PAM: variants seen among roughly 807,000 people sequenced by gnomAD.
PAM encodes peptidylglycine alpha-amidating monooxygenase.
A neutral mutation model predicts 122.1 loss-of-function variants in PAM; 72 were observed. That is an observed-to-expected ratio of 0.59 (90% confidence interval 0.49 to 0.72). The LOEUF (loss-of-function observed/expected upper bound fraction) is 0.72, where lower values mean the gene tolerates loss of function less well. Ranked by LOEUF, PAM falls within the 30% of genes least tolerant of loss-of-function variation. The pLI is 0.00. For missense variants in PAM, 1,106 were observed against 1,183.7 expected (o/e 0.93, Z 0.96); for synonymous variants, 389 against 404.4 (o/e 0.96, Z 0.46).
At chr5:102,906,884 T>C (rs1351599634) in intron 4 of PAM, among the ~76,000 whole-genome samples, 1 of 151,760 alleles carries the variant, frequency 6.6e-6, no homozygotes, top group East Asian at 1.9e-4. Flanking sequence ...TGGACTATTA[T>C]AGGAATGACA....
At position 103,029,616 on chromosome 5, in the gene PAM, G is replaced by A. The variant is rs764173404; in HGVS notation, c.*551G>A. ...TTCTTTTTTAAATTTTCTTCAGTTG[G>A]TGTGTTTTTGGGATGTCTTATTTTT... On this transcript the variant is annotated 3_prime_UTR_variant, in exon 26 of 26. Transcript: ENST00000438793. The A allele has an allele frequency of 6.6e-6, 1 of 152,490 alleles. No homozygotes were observed. The highest frequency in any genetic ancestry group is 2.4e-5 in the African/African-American group (1 of 41,376). 9.4% of individuals were successfully genotyped at this position (152,490 alleles called of 1,614,324 possible).
intron 1 of PAM, among the ~76,000 whole-genome samples, chr5:102,803,234 G>T (rs1765362638): frequency 6.7e-6 from 1 of 149,162 alleles, no homozygotes; most frequent in African/African-American, 2.5e-5. Flanking sequence ...AGGAAGGAAG[G>T]GAAAAGTAAT....
At chr5:102,881,534 T>A (rs1791083690) in intron 3 of PAM, among the ~76,000 whole-genome samples, 1 of 152,022 alleles carries the variant, frequency 6.6e-6, no homozygotes, top group Admixed American at 6.6e-5. Flanking sequence ...GTAAAACTAC[T>A]CATATCCTTA....
rs1168917285 is a variant in PAM at position 102,758,073 on chromosome 5, GTTTTTTTTT to G, written c.-374+2752_-374+2760del. 2.4e-3 allele frequency among the ~76,000 whole-genome samples: 60 copies of G among 24,826 alleles called. 3 individuals carry two copies. Among genetic ancestry groups the G allele is most frequent in the African/African-American group, 5.7e-3 (51 of 8,926 alleles). The allele number at this position is 24,826 out of a possible 152,430, so 16.3% of individuals were successfully genotyped here. A position where few individuals can be genotyped will look rare whatever the true frequency, so the allele number is the denominator to read the frequency against. On this transcript the variant is annotated intron_variant, in intron 1 of 25. Coordinates refer to ENST00000438793, the MANE Select transcript of PAM (RefSeq NM_001177306.2). Reference sequence around the variant, plus strand: ...AAAAAAAAAAAAGACTTAGAATTTTGTTTTTTTTTTTTTTTTTTTTTTTTTTTTTTTTTT... The same window carrying G: ...AAAAAAAAAAAAGACTTAGAATTTTGTTTTTTTTTTTTTTTTTTTTTTTTT...
intron 3 of PAM, among the ~76,000 whole-genome samples, chr5:102,868,045 C>G (rs1786143579): frequency 6.6e-6 from 1 of 152,158 alleles, no homozygotes; most frequent in Non-Finnish European, 1.5e-5. Context: ...GAAGCTCAAA[C>G]CCACTGCTGT....
chr5:103,018,548 C>A (rs978280998), intron 22 of PAM, among the ~76,000 whole-genome samples: 1 of 152,094 alleles, frequency 6.6e-6, no homozygotes, highest in African/African-American at 2.4e-5. Context: ...ATTTCCCTTG[C>A]AAATGTGGCT....
chr5:102,905,647 T>C (rs1799308282), intron 4 of PAM, among the ~76,000 whole-genome samples: 2 of 151,628 alleles, frequency 1.3e-5, no homozygotes, highest in African/African-American at 4.8e-5. Flanking sequence ...TGCTCGTATA[T>C]CCATGTTTTA....
At chr5:102,951,854 A>C (rs1477754751) in intron 12 of PAM, among the ~76,000 whole-genome samples, 6 of 152,114 alleles carry the variant, frequency 3.9e-5, no homozygotes, top group Non-Finnish European at 8.8e-5. Flanking sequence ...AAATTTGCTA[A>C]ATTTGGCAAA....
intron 7 of PAM, among the ~76,000 whole-genome samples, chr5:102,930,261 G>C (rs1022613555): frequency 6.6e-6 from 1 of 152,158 alleles, no homozygotes; most frequent in Non-Finnish European, 1.5e-5. Context: ...GGTGAGACAA[G>C]CACAAAAGGA....
Position 102,965,785 on chromosome 5 carries a change from T to C in PAM, c.1162+4556T>C, listed in dbSNP as rs534538537. On this transcript the variant is annotated intron_variant, in intron 14 of 25. Coordinates refer to ENST00000438793, the MANE Select transcript of PAM (RefSeq NM_001177306.2). ...CCATGACCCCAGATAGTTAAAGGTC[T>C]TCGGACACCTTCTGTGAAACAGTAA... Among the ~76,000 whole-genome samples the C allele has an allele frequency of 5.3e-5, 8 of 152,158 alleles. No individual in the cohort carries two copies. In the South Asian group the frequency reaches 1.5e-3, roughly 28 times the overall value.
upstream of PAM, chr5:102,754,860 G>T (rs76477040): frequency 0.028 from 4,287 of 152,430 alleles, 123 homozygotes; most frequent in African/African-American, 0.064. Flanking sequence ...ACTCGGGAGG[G>T]TCAGAGACTT....
Position 102,926,672 on chromosome 5 carries a change from A to G in PAM, c.526+4A>G. Reference sequence around the variant, plus strand: ...GGGGATATTAGTGCTTTTAGAGGTAAGTTTTGAAGTGTTGGAACTAAGCAA... The same window carrying G: ...GGGGATATTAGTGCTTTTAGAGGTAGGTTTTGAAGTGTTGGAACTAAGCAA... On this transcript the variant is annotated splice_donor_region_variant and intron_variant, in intron 7 of 25. Transcript: ENST00000438793. 1.3e-6 allele frequency: 2 copies of G among 1,507,166 alleles called. No homozygotes were observed. The highest frequency in any genetic ancestry group is 1.8e-6 in the Non-Finnish European group (2 of 1,083,308). 93.4% of individuals were successfully genotyped at this position (1,507,166 alleles called of 1,614,324 possible).
At chr5:102,984,651 C>A (rs1466946751) in intron 15 of PAM, among the ~76,000 whole-genome samples, 1 of 152,084 alleles carries the variant, frequency 6.6e-6, no homozygotes, top group Non-Finnish European at 1.5e-5. Context: ...TGGTTGGGGA[C>A]CTCAACCATT....
chr5:103,003,093 T>C lies in PAM; in HGVS notation c.1674T>C (p.Thr558=), dbSNP rs572688626. 1.1e-5 allele frequency: 18 copies of C among 1,608,550 alleles called. 1 individual carries two copies. The South Asian group carries it at 1.9e-4, about 17-fold the overall frequency. ...QIGLGPIEED[T]ILVIDPNNAA... ...GACTCGGACCAATTGAAGAAGACAC[T>C]ATTCTTGTCATAGATCCAAATAATG... Residue 558 remains threonine, a synonymous_variant, in exon 17 of 26, where the codon ACT becomes ACC. Coordinates refer to ENST00000438793, the MANE Select transcript of PAM (RefSeq NM_001177306.2).
chr5:102,758,188 G>A (rs892664439), intron 1 of PAM, among the ~76,000 whole-genome samples: 6 of 130,560 alleles, frequency 4.6e-5, no homozygotes, highest in African/African-American at 1.7e-4. Flanking sequence ...GTTGTATTTT[G>A]TGTGACTCAG....
chr5:102,893,441 G>A (rs1795300851), intron 3 of PAM, among the ~76,000 whole-genome samples: 3 of 151,732 alleles, frequency 2.0e-5, no homozygotes, highest in Admixed American at 6.6e-5. Flanking sequence ...GGAGAGGAAT[G>A]TGAATACATT....
intron 21 of PAM, among the ~76,000 whole-genome samples, chr5:103,012,255 CTT>C (rs755701130): frequency 5.3e-5 from 8 of 152,100 alleles, no homozygotes; most frequent in Non-Finnish European, 1.0e-4. Flanking sequence ...TGTGCAGACA[CTT>C]TTTAACTTGA....
chr5:102,901,615 G>T (rs1471723407), intron 4 of PAM, among the ~76,000 whole-genome samples: 1 of 151,586 alleles, frequency 6.6e-6, no homozygotes. Flanking sequence ...AGAGATTCAT[G>T]AGTAATAGTA....
intron 5 of PAM, among the ~76,000 whole-genome samples, chr5:102,920,363 C>T (rs1210314380): frequency 2.0e-5 from 3 of 152,086 alleles, no homozygotes; most frequent in Non-Finnish European, 2.9e-5. Flanking sequence ...ATGAATAAAA[C>T]AGACACACAC....
Sources: allele counts gnomAD v4.1 joint callset (sites outside exome capture counted in the v4.1 genomes callset), GRCh38; gene constraint gnomAD v4.1.1; transcripts MANE v1.5; gene names NCBI Gene and HGNC (gene_info 2026-07-23, HGNC 2026-07-21).